Variants in PAX5 observed in about 807,000 individuals in gnomAD.
PAX5 encodes the protein paired box protein Pax-5.
In PAX5, 9 loss-of-function variants were observed where a neutral mutation model predicts 43.7. That is an observed-to-expected ratio of 0.21 (90% CI 0.12 to 0.36). The LOEUF is 0.36. Ranked by LOEUF, PAX5 falls within the 10% of genes least tolerant of loss-of-function variation. The pLI is 1.00. For missense variants in PAX5, 383 were observed against 532.7 expected (o/e 0.72, Z 2.77); for synonymous variants, 228 against 214.3 (o/e 1.06, Z -0.56).
At chr9:36,944,000 A>G (rs906441416) in intron 6 of PAX5, among the ~76,000 whole-genome samples, 4 of 152,134 alleles carry the variant, frequency 2.6e-5, no homozygotes, top group African/African-American at 9.7e-5. Context: ...AGCCTGGACA[A>G]CATAGCAAGA....
intron 7 of PAX5, among the ~76,000 whole-genome samples, chr9:36,888,626 C>T (rs1827105597): frequency 1.3e-5 from 2 of 152,202 alleles, no homozygotes; most frequent in African/African-American, 4.8e-5. Flanking sequence ...CTGGGAAATG[C>T]TCAACAGGCA....
In PAX5 at chr9:36,840,430, G is replaced by A. The variant is rs1348675662; in HGVS notation, c.*130C>T. 1 of 868,024 alleles carries A rather than the reference G, an allele frequency of 1.2e-6. No individual in the cohort carries two copies. 53.8% of individuals were successfully genotyped at this position (868,024 alleles called of 1,614,324 possible). A position where few individuals can be genotyped will look rare whatever the true frequency, so the allele number is the denominator to read the frequency against. The stretch of plus-strand genomic sequence containing the variant: ...GAGTCCCTGGAGGAAGAGAGGAAGA[G>A]GGGAGCTTCAGGCAAGTGGGGGATG... On this transcript the variant is annotated 3_prime_UTR_variant, in exon 10 of 10. Transcript: ENST00000358127.
chr9:37,028,327 T>C (rs969842091), intron 1 of PAX5, among the ~76,000 whole-genome samples: 4 of 152,158 alleles, frequency 2.6e-5, no homozygotes, highest in African/African-American at 7.2e-5. Context: ...TAATTTTATT[T>C]CCTAATTTTA....
At chr9:36,960,925 C>T (rs1174058742) in intron 6 of PAX5, among the ~76,000 whole-genome samples, 2 of 152,224 alleles carry the variant, frequency 1.3e-5, no homozygotes, top group Non-Finnish European at 2.9e-5. Context: ...GCATTCTGCC[C>T]TTCCCTCAAG....
chr9:36,895,146 C>T (rs923111413), intron 7 of PAX5, among the ~76,000 whole-genome samples: 3 of 152,270 alleles, frequency 2.0e-5, no homozygotes, highest in Admixed American at 6.5e-5. Flanking sequence ...CTCCGGGGTC[C>T]GAATAAAACA....
chr9:36,916,885 A>C (rs1829768100), intron 7 of PAX5, among the ~76,000 whole-genome samples: 2 of 152,100 alleles, frequency 1.3e-5, no homozygotes. Context: ...GGGTTTCACC[A>C]TGTTGACCAG....
At chr9:36,854,563 A>G (rs1823471309) in intron 8 of PAX5, among the ~76,000 whole-genome samples, 1 of 152,120 alleles carries the variant, frequency 6.6e-6, no homozygotes, top group Non-Finnish European at 1.5e-5. Flanking sequence ...AATTGAAATA[A>G]GTGACCTCCA....
intron 6 of PAX5, among the ~76,000 whole-genome samples, chr9:36,924,740 GAA>G: frequency 2.0e-5 from 1 of 51,080 alleles, no homozygotes; most frequent in Non-Finnish European, 4.0e-5. Context: ...GAGGTGGAAG[GAA>G]GGAAGGAAGG....
In PAX5 at chr9:37,020,773, C is replaced by T; in HGVS notation, c.75G>A (p.Gly25=). Residue 25 remains glycine (G), a synonymous_variant, in exon 2 of 10, where the codon GGG becomes GGA. Transcript: ENST00000358127. Reference sequence around the variant, plus strand: ...GGAGTGGCCGTCCATTCACAAAAACCCCCCCAAGCTGATTCACTCCTCCAT... The same window carrying T: ...GGAGTGGCCGTCCATTCACAAAAACTCCCCCAAGCTGATTCACTCCTCCAT... ...TGHGGVNQLG[G]VFVNGRPLPD... 1.2e-6 allele frequency: 2 copies of T among 1,614,106 alleles called. No individual in the cohort carries two copies. The highest frequency in any genetic ancestry group is 1.1e-5 in the South Asian group (1 of 91,074).
chr9:37,020,095 T>TG (rs1210977371), intron 2 of PAX5, among the ~76,000 whole-genome samples: 4 of 120,000 alleles, frequency 3.3e-5, no homozygotes, highest in Admixed American at 8.8e-5. Flanking sequence ...AGTTGGTGTT[T>TG]GGGTTTTTTT....
chr9:36,976,168 A>G (rs1476908772), intron 5 of PAX5, among the ~76,000 whole-genome samples: 1 of 152,220 alleles, frequency 6.6e-6, no homozygotes, highest in Non-Finnish European at 1.5e-5. Flanking sequence ...AGTGGATGAT[A>G]AACTACTAAA....
intron 6 of PAX5, among the ~76,000 whole-genome samples, chr9:36,937,759 A>C (rs931555245): frequency 6.6e-6 from 1 of 152,222 alleles, no homozygotes; most frequent in African/African-American, 2.4e-5. Context: ...GTTTAGCCGC[A>C]GATGTTGTTA....
At chr9:36,859,110 C>T (rs1424912997) in intron 8 of PAX5, among the ~76,000 whole-genome samples, 3 of 152,134 alleles carry the variant, frequency 2.0e-5, no homozygotes, top group Non-Finnish European at 2.9e-5. Flanking sequence ...ACAGAGGCCC[C>T]GATTTCCCCT....
intron 3 of PAX5, among the ~76,000 whole-genome samples, chr9:37,014,493 A>G (rs1362819693): frequency 6.6e-6 from 1 of 152,220 alleles, no homozygotes; most frequent in Non-Finnish European, 1.5e-5. Flanking sequence ...CTTGTGGCAG[A>G]GCTGGAACAA....
intron 2 of PAX5, among the ~76,000 whole-genome samples, chr9:37,018,748 A>G (rs1271996420): frequency 6.6e-6 from 1 of 152,056 alleles, no homozygotes; most frequent in African/African-American, 2.4e-5. Context: ...ATTGTTGACA[A>G]CTTAAACGGT....
intron 5 of PAX5, among the ~76,000 whole-genome samples, chr9:36,984,435 CT>C (rs10663927): frequency 1.3e-3 from 85 of 66,876 alleles, no homozygotes; most frequent in East Asian, 6.8e-3. Context: ...TTGAACCTCT[CT>C]TTTTTTTTTT....
chr9:36,983,081 C>T (rs1220293106), intron 5 of PAX5, among the ~76,000 whole-genome samples: 2 of 152,196 alleles, frequency 1.3e-5, no homozygotes, highest in African/African-American at 4.8e-5. Flanking sequence ...CCATCACACA[C>T]TGAAGTTGGT....
At chr9:37,029,960 A>G (rs1840811861) in intron 1 of PAX5, among the ~76,000 whole-genome samples, 1 of 152,062 alleles carries the variant, frequency 6.6e-6, no homozygotes, top group Non-Finnish European at 1.5e-5. Flanking sequence ...CGCTCTCGGG[A>G]TGGTGGGGGA....
intron 8 of PAX5, among the ~76,000 whole-genome samples, chr9:36,874,987 A>G (rs1344460705): frequency 6.6e-6 from 1 of 152,216 alleles, no homozygotes; most frequent in Non-Finnish European, 1.5e-5. Flanking sequence ...CATTTTATAC[A>G]CGAGGAGGAA....
Sources: gnomAD v4.1 joint callset for allele counts (sites outside exome capture counted in the v4.1 genomes callset) on GRCh38, gnomAD v4.1.1 for gene constraint, MANE v1.5 for transcripts, NCBI Gene and HGNC (gene_info 2026-07-23, HGNC 2026-07-21) for gene names.